Variants in FGGY observed in about 807,000 individuals in gnomAD.
The protein encoded by FGGY is FGGY carbohydrate kinase domain-containing protein.
In FGGY, 72 loss-of-function variants were observed where a neutral mutation model predicts 71.3. The ratio of observed to expected loss-of-function variants is 1.01; its 90% CI spans 0.84 to 1.23. The LOEUF is 1.23. Among genes scored for constraint, FGGY ranks in the 50% most tolerant of loss-of-function variants. FGGY has a pLI of 0.00. For missense variants in FGGY, 668 were observed against 682.3 expected (o/e 0.98, Z 0.23); for synonymous variants, 251 against 250.3 (o/e 1.00, Z -0.02).
intron 14 of FGGY, chr1:59,733,366 G>A (rs1387743637): frequency 1.3e-5 from 2 of 153,832 alleles, no homozygotes; most frequent in African/African-American, 4.8e-5. Context: ...GGGAAGGGCT[G>A]AGCCTCAGGC....
At position 59,456,967 on chromosome 1, in the gene FGGY, C is replaced by A. The variant is rs1449165737; in HGVS notation, c.561C>A (p.Leu187=). 1 of 1,612,536 alleles carries A rather than the reference C, an allele frequency of 6.2e-7. No individual in the cohort carries two copies. Among genetic ancestry groups the A allele is most frequent in the African/African-American group, 1.3e-5 (1 of 74,996 alleles). The stretch of plus-strand genomic sequence containing the variant: ...ATCTCTTCTATTTTCTTAGGTCTCT[C>A]TGCTCCCTGGTGTGTAAGTGGACAT... ...WKATGVTARS[L]CSLVCKWTYS... is the part of the protein sequence containing the mutation. The change falls in exon 6 of 16, where the codon CTC becomes CTA. Residue 187 remains leucine (L), a synonymous_variant. Coordinates refer to ENST00000303721, the MANE Select transcript of FGGY (RefSeq NM_018291.5).
At chr1:59,297,616 A>G (rs933945478) in intron 1 of FGGY, among the ~76,000 whole-genome samples, 4 of 152,240 alleles carry the variant, frequency 2.6e-5, no homozygotes, top group Admixed American at 2.6e-4. Flanking sequence ...AGGTCAGGAG[A>G]TCGAGACCAT....
chr1:59,579,526 A>G (rs1486473553), intron 8 of FGGY, among the ~76,000 whole-genome samples: 1 of 152,180 alleles, frequency 6.6e-6, no homozygotes, highest in Non-Finnish European at 1.5e-5. Flanking sequence ...CTTTCCTAGA[A>G]CATGAAAGAA....
intron 9 of FGGY, among the ~76,000 whole-genome samples, chr1:59,609,224 T>A (rs1477449894): frequency 6.6e-6 from 1 of 152,208 alleles, no homozygotes; most frequent in Non-Finnish European, 1.5e-5. Flanking sequence ...AAACTATTCT[T>A]AGAAAAATGG....
chr1:59,403,421 A>G (rs2062256315), intron 5 of FGGY, among the ~76,000 whole-genome samples: 1 of 152,162 alleles, frequency 6.6e-6, no homozygotes, highest in Non-Finnish European at 1.5e-5. Context: ...AGACTCCTCC[A>G]GACGATTGCA....
intron 9 of FGGY, among the ~76,000 whole-genome samples, chr1:59,616,395 A>G (rs934607852): frequency 6.6e-6 from 1 of 152,148 alleles, no homozygotes; most frequent in Non-Finnish European, 1.5e-5. Flanking sequence ...AAAACCAGAC[A>G]CTGCATGTTC....
intron 8 of FGGY, among the ~76,000 whole-genome samples, chr1:59,575,394 A>G (rs1414590985): frequency 2.0e-5 from 3 of 152,194 alleles, no homozygotes; most frequent in Non-Finnish European, 4.4e-5. Context: ...TTTACTTAGC[A>G]TAATGTTCTC....
chr1:59,549,248 G>T (rs558673006), intron 7 of FGGY, among the ~76,000 whole-genome samples: 1 of 152,176 alleles, frequency 6.6e-6, no homozygotes, highest in African/African-American at 2.4e-5. Context: ...GCCAGCTTTG[G>T]CAAGAAACTC....
intron 5 of FGGY, among the ~76,000 whole-genome samples, chr1:59,443,877 A>C (rs1290495549): frequency 6.6e-6 from 1 of 152,218 alleles, no homozygotes; most frequent in East Asian, 1.9e-4. Flanking sequence ...GACCTTGCAG[A>C]GGAAGCTGGC....
intron 8 of FGGY, among the ~76,000 whole-genome samples, chr1:59,574,835 A>G (rs1485676196): frequency 6.6e-6 from 1 of 152,150 alleles, no homozygotes; most frequent in Non-Finnish European, 1.5e-5. Flanking sequence ...GAGATTTCCA[A>G]TGAAAAGAAG....
intron 14 of FGGY, among the ~76,000 whole-genome samples, chr1:59,700,322 G>C (rs1206125595): frequency 6.6e-6 from 1 of 152,160 alleles, no homozygotes; most frequent in Non-Finnish European, 1.5e-5. Context: ...ATGATGATAG[G>C]CAAAGTTTAT....
chr1:59,304,689 C>T (rs2043198781), intron 1 of FGGY, among the ~76,000 whole-genome samples: 1 of 151,780 alleles, frequency 6.6e-6, no homozygotes, highest in Admixed American at 6.6e-5. Context: ...TTATTTCTAC[C>T]AGTCTGTGAA....
At chr1:59,716,538 A>G (rs2097847241) in intron 14 of FGGY, among the ~76,000 whole-genome samples, 1 of 152,216 alleles carries the variant, frequency 6.6e-6, no homozygotes, top group Non-Finnish European at 1.5e-5. Flanking sequence ...CTTTTGGAAC[A>G]TTTGTTTTAT....
At chr1:59,381,731 A>G (rs1255526619) in intron 5 of FGGY, among the ~76,000 whole-genome samples, 2 of 151,702 alleles carry the variant, frequency 1.3e-5, no homozygotes, top group African/African-American at 4.9e-5. Context: ...ATTCAGCTGG[A>G]TGGATGTGTT....
rs570727237 is a variant in FGGY at position 59,335,447 on chromosome 1, G to A, written c.202-4511G>A. ...ATATACAATACTTTATTTAACAGTT[G>A]GTTAAACTATGATGGATATTTGGTT... On this transcript the variant is annotated intron_variant, in intron 2 of 15. Coordinates refer to ENST00000303721, the MANE Select transcript of FGGY (RefSeq NM_018291.5). 2.6e-5 allele frequency among the ~76,000 whole-genome samples: 4 copies of A among 152,164 alleles called. No individual in the cohort carries two copies. The South Asian group carries it at 6.2e-4, about 24-fold the overall frequency.
chr1:59,725,497 A>T (rs2097935447), intron 14 of FGGY, among the ~76,000 whole-genome samples: 1 of 152,150 alleles, frequency 6.6e-6, no homozygotes, highest in Non-Finnish European at 1.5e-5. Flanking sequence ...CATTTTATGG[A>T]TACTTAAAAA....
chr1:59,401,402 A>T (rs1267917168), intron 5 of FGGY, among the ~76,000 whole-genome samples: 1 of 152,192 alleles, frequency 6.6e-6, no homozygotes, highest in South Asian at 2.1e-4. Context: ...TCTTGATATG[A>T]TGGAGACCCT....
In FGGY at chr1:59,660,271, T is replaced by A; in HGVS notation, c.1274T>A (p.Leu425Gln). 6.2e-7 allele frequency: 1 copy of A among 1,613,404 alleles called. No homozygotes were observed. The highest frequency in any genetic ancestry group is 8.5e-7 in the Non-Finnish European group (1 of 1,180,000). Residue 425 changes from leucine to glutamine, a missense_variant, in exon 12 of 16, where the codon CTG (leucine) becomes CAG (glutamine). Leu to Gln is a moderately radical substitution (Grantham distance 113). Around this residue, in one of 2 missense-constraint regions of FGGY, gnomAD observed 661 missense variants for 661.6 expected, o/e 1.00. Coordinates refer to ENST00000303721, the MANE Select transcript of FGGY (RefSeq NM_018291.5). Reference protein sequence around the residue: ...QDLDDLAILYLATVQAIALGT... With the variant: ...QDLDDLAILYQATVQAIALGT... ...CTTGATGATCTTGCCATTCTCTACC[T>A]GGCCACAGTTCAAGCCATTGCTGTA...
chr1:59,539,166 A>T (rs2095398684), intron 7 of FGGY, among the ~76,000 whole-genome samples: 1 of 152,182 alleles, frequency 6.6e-6, no homozygotes, highest in Admixed American at 6.5e-5. Flanking sequence ...CATTGATTGG[A>T]AAACAGTATT....
Sources: gnomAD v4.1 joint callset for allele counts (sites outside exome capture counted in the v4.1 genomes callset) on GRCh38, gnomAD v4.1.1 for gene constraint, gnomAD v4.1.1 regional missense constraint, MANE v1.5 for transcripts, NCBI Gene and HGNC (gene_info 2026-07-23, HGNC 2026-07-21) for gene names.